GRIA3: variants seen among roughly 807,000 people sequenced by gnomAD.
GRIA3 encodes the protein glutamate receptor 3.
In GRIA3, 3 loss-of-function variants were observed where a neutral mutation model predicts 63.0. The observed-to-expected ratio is 0.05, with a 90% CI of 0.02 to 0.12. The LOEUF (loss-of-function observed/expected upper bound fraction) is 0.12. Among genes scored for constraint, GRIA3 ranks in the 10% least tolerant of loss-of-function variants. The probability of loss-of-function intolerance (pLI) is 1.00; values close to 1 mark genes in which losing one functional copy is unlikely to be tolerated. For missense variants in GRIA3, 347 were observed against 700.9 expected, an observed-to-expected ratio of 0.50 and a Z score of 5.70; for synonymous variants, 274 against 257.9, an observed-to-expected ratio of 1.06 and a Z score of -0.60.
intron 3 of GRIA3, among the ~76,000 whole-genome samples, chrX:123,262,903 A>G (rs1569410161): frequency 9.0e-6 from 1 of 111,326 alleles, no homozygotes; most frequent in Non-Finnish European, 1.9e-5. Context: ...CCAAAACAAC[A>G]TGGCATTCCC....
intron 11 of GRIA3, chrX:123,418,042 C>T (rs1669954673): frequency 1.9e-5 from 6 of 319,268 alleles, no homozygotes; most frequent in Non-Finnish European, 3.2e-5. Context: ...GGCAACATTG[C>T]CACTAATATT....
intron 2 of GRIA3, among the ~76,000 whole-genome samples, chrX:123,201,892 C>T (rs1056822493): frequency 6.3e-5 from 7 of 111,576 alleles, no homozygotes; most frequent in East Asian, 2.8e-4. Context: ...TCAGTCAGGG[C>T]GAATGACCTC....
chrX:123,332,668 A>G (rs1271221636), intron 4 of GRIA3, among the ~76,000 whole-genome samples: 2 of 111,078 alleles, frequency 1.8e-5, no homozygotes, highest in Admixed American at 1.9e-4. Flanking sequence ...ATTCCATAGT[A>G]TTCCCTTTCA....
chrX:123,489,524 T>G lies in GRIA3; in HGVS notation c.*814T>G, dbSNP rs1442910623. The G allele has an allele frequency of 8.9e-6, 1 of 112,209 alleles. No homozygotes were observed. The highest frequency in any genetic ancestry group is 3.3e-5 in the African/African-American group (1 of 30,742). The allele number at this position is 112,209 out of a possible 1,213,427, so 9.2% of individuals were successfully genotyped here. ...ACTATCAGGATACCTCTTGGTGCTTTCCTAAAATGGATCCCGGGGCTTTCC... is the reference window on the plus strand; with the variant it reads ...ACTATCAGGATACCTCTTGGTGCTTGCCTAAAATGGATCCCGGGGCTTTCC... On this transcript the variant is annotated 3_prime_UTR_variant, in exon 16 of 16. Transcript: ENST00000620443.
In GRIA3 at chrX:123,398,695, G is replaced by A. The variant is rs749016181; in HGVS notation, c.972G>A (p.Leu324=). 2.5e-6 allele frequency: 3 copies of A among 1,204,550 alleles called. No individual in the cohort carries two copies. In the Admixed American group the frequency reaches 6.5e-5, roughly 26 times the overall value. ...ILVIAEAFRY[L]RRQRVDVSRR... ...TCATAGCAGAAGCTTTCCGCTACCT[G>A]AGGAGGCAGCGAGTAGATGTGTCCC... is the stretch of plus-strand genomic sequence containing the variant. Residue 324 remains leucine, a synonymous_variant, in exon 7 of 16, where the codon CTG becomes CTA. Transcript: ENST00000620443.
chrX:123,296,895 C>T, intron 3 of GRIA3, among the ~76,000 whole-genome samples: 1 of 111,369 alleles, frequency 9.0e-6, no homozygotes. Flanking sequence ...TGTTCATGAC[C>T]AGTCTCTAAT....
chrX:123,308,973 G>A (rs769401643), intron 3 of GRIA3, among the ~76,000 whole-genome samples: 96 of 112,675 alleles, frequency 8.5e-4, no homozygotes, highest in African/African-American at 2.9e-3. Context: ...CCTCAGTGGA[G>A]AGCAATGACC....
At chrX:123,279,427 G>A (rs1465919652) in intron 3 of GRIA3, among the ~76,000 whole-genome samples, 1 of 111,748 alleles carries the variant, frequency 8.9e-6, no homozygotes, top group Admixed American at 9.5e-5. Flanking sequence ...ATCTAACCAT[G>A]ACACAATGTA....
intron 3 of GRIA3, among the ~76,000 whole-genome samples, chrX:123,314,298 A>G (rs2044817553): frequency 8.9e-6 from 1 of 112,042 alleles, no homozygotes; most frequent in Admixed American, 9.5e-5. Context: ...TAAGAGCTCA[A>G]CAGTCCATGG....
intron 3 of GRIA3, among the ~76,000 whole-genome samples, chrX:123,300,599 G>A (rs772556016): frequency 9.5e-6 from 1 of 105,480 alleles, no homozygotes; most frequent in Admixed American, 1.0e-4. Flanking sequence ...CCAGCTCCGG[G>A]ATTCATTGAT....
intron 12 of GRIA3, among the ~76,000 whole-genome samples, chrX:123,439,097 A>C (rs1304291719): frequency 2.7e-5 from 3 of 112,064 alleles, no homozygotes; most frequent in Non-Finnish European, 5.6e-5. Context: ...AGCCTTGGAC[A>C]TTTTAGTTAG....
At chrX:123,385,354 C>G (rs1444337612) in intron 5 of GRIA3, among the ~76,000 whole-genome samples, 1 of 111,187 alleles carries the variant, frequency 9.0e-6, no homozygotes, top group African/African-American at 3.3e-5. Flanking sequence ...CTCCATTAGT[C>G]TATGTACTAA....
chrX:123,199,058 AT>A (rs1173380795), intron 2 of GRIA3, among the ~76,000 whole-genome samples: 1 of 111,023 alleles, frequency 9.0e-6, no homozygotes, highest in African/African-American at 3.3e-5. Flanking sequence ...GAGTGGATGG[AT>A]TTTTTTCTTT....
chrX:123,403,286 C>T (rs1260952988), intron 8 of GRIA3, 126 bp from the exon 9 acceptor site: 2 of 621,816 alleles, frequency 3.2e-6, no homozygotes, highest in East Asian at 3.2e-5. Context: ...TTACAAGACC[C>T]GGGGAGACAG....
intron 3 of GRIA3, among the ~76,000 whole-genome samples, chrX:123,315,349 T>C (rs1262953016): frequency 8.9e-6 from 1 of 112,359 alleles, no homozygotes; most frequent in Non-Finnish European, 1.9e-5. Flanking sequence ...AAAGGGGTTC[T>C]TGATCTTCCC....
At chrX:123,358,934 G>C (rs1458384444) in intron 5 of GRIA3, 2 of 111,006 alleles carry the variant, frequency 1.8e-5, no homozygotes, top group African/African-American at 6.6e-5. Context: ...ATTAGGAATA[G>C]ATGCAAGGGC....
intron 4 of GRIA3, among the ~76,000 whole-genome samples, chrX:123,342,608 C>T (rs112377262): frequency 1.6e-4 from 18 of 112,077 alleles, no homozygotes; most frequent in African/African-American, 5.5e-4. Flanking sequence ...CCCTTTGGTT[C>T]GCTCTAGTTA....
chrX:123,422,558 T>C (rs181406557), intron 11 of GRIA3, among the ~76,000 whole-genome samples: 1 of 111,852 alleles, frequency 8.9e-6, no homozygotes, highest in East Asian at 2.8e-4. Flanking sequence ...GGAAGAAGCA[T>C]AGTGGTTAAG....
At position 123,468,895 on chromosome X, in the gene GRIA3, GCTGA is replaced by G. The variant is rs947865808; in HGVS notation, c.2324+3786_2324+3789del. Among the ~76,000 whole-genome samples, 4 of 112,747 alleles carry G rather than the reference GCTGA, an allele frequency of 3.5e-5. No individual in the cohort carries two copies. The Admixed American group carries it at 3.7e-4, about 11-fold the overall frequency. ...ACAGCTAATGCTGTCATAAATCTCT[GCTGA>G]CTTTCAGAGTCACCTCTTGTGATAA... On this transcript the variant is annotated intron_variant, in intron 13 of 15. Coordinates refer to ENST00000620443, the MANE Select transcript of GRIA3 (RefSeq NM_007325.5).
Sources: gnomAD v4.1 joint callset for allele counts (sites outside exome capture counted in the v4.1 genomes callset) on GRCh38, gnomAD v4.1.1 for gene constraint, MANE v1.5 for transcripts, NCBI Gene and HGNC (gene_info 2026-07-23, HGNC 2026-07-21) for gene names.